The following RSRC1 variants were observed in gnomAD, a reference collection of about 807,000 sequenced individuals.
RSRC1 encodes serine/Arginine-related protein 53.
RSRC1 carries 39 observed loss-of-function variants against 49.1 expected under a neutral mutation model. The ratio of observed to expected loss-of-function variants is 0.79; its 90% confidence interval spans 0.61 to 1.04. RSRC1 has a LOEUF of 1.04. Among genes scored for constraint, RSRC1 ranks in the 50% least tolerant of loss-of-function variants. The pLI, the probability that RSRC1 is intolerant of heterozygous loss-of-function variation, is 0.00. For missense variants in RSRC1, 388 were observed against 402.4 expected (o/e 0.96, Z 0.31); for synonymous variants, 143 against 130.8 (o/e 1.09, Z -0.63).
intron 3 of RSRC1, among the ~76,000 whole-genome samples, chr3:158,201,960 T>A (rs1721072734): frequency 6.6e-6 from 1 of 152,186 alleles, no homozygotes; most frequent in African/African-American, 2.4e-5. Context: ...AATGTACCTT[T>A]GTTTATTTTT....
At chr3:158,137,415 T>C (rs868161615) in intron 3 of RSRC1, among the ~76,000 whole-genome samples, 8 of 151,336 alleles carry the variant, frequency 5.3e-5, no homozygotes, top group South Asian at 2.1e-4. Context: ...TATATATATA[T>C]ATATAATAAC....
At chr3:158,411,434 T>C (rs1341816866) in intron 6 of RSRC1, among the ~76,000 whole-genome samples, 1 of 152,138 alleles carries the variant, frequency 6.6e-6, no homozygotes, top group Non-Finnish European at 1.5e-5. Flanking sequence ...AGAATTCCCA[T>C]TGCTCTGCCT....
At chr3:158,310,320 A>G (rs1016340259) in intron 5 of RSRC1, among the ~76,000 whole-genome samples, 17 of 151,788 alleles carry the variant, frequency 1.1e-4, no homozygotes, top group African/African-American at 3.9e-4. Context: ...GTCAATTGTA[A>G]ATGGATTGCT....
At chr3:158,293,393 C>A (rs1727054721) in intron 4 of RSRC1, among the ~76,000 whole-genome samples, 1 of 151,948 alleles carries the variant, frequency 6.6e-6, no homozygotes, top group African/African-American at 2.4e-5. Flanking sequence ...TCTTTTGGTC[C>A]ATATTTGCCT....
Position 158,179,439 on chromosome 3 carries a change from A to G in RSRC1, c.321-23633A>G, listed in dbSNP as rs1055178101. On this transcript the variant is annotated intron_variant, in intron 3 of 9. Coordinates refer to ENST00000611884, the MANE Select transcript of RSRC1 (RefSeq NM_001271838.2). The stretch of plus-strand genomic sequence containing the variant: ...GAAAGAAAAGATTAGGCAACCAGTA[A>G]TCTGTTCTTTTTCATAATTTTTGTC... 5.3e-5 allele frequency among the ~76,000 whole-genome samples: 8 copies of G among 152,298 alleles called. No individual in the cohort carries two copies. The East Asian group carries it at 1.4e-3, about 26-fold the overall frequency.
intron 3 of RSRC1, among the ~76,000 whole-genome samples, chr3:158,148,087 C>T (rs571292706): frequency 5.8e-4 from 88 of 152,240 alleles, no homozygotes; most frequent in African/African-American, 1.2e-3. Context: ...TACTATTAAA[C>T]GTGGTACAGG....
At chr3:158,282,947 A>G (rs1726265948) in intron 4 of RSRC1, among the ~76,000 whole-genome samples, 1 of 152,178 alleles carries the variant, frequency 6.6e-6, no homozygotes, top group Non-Finnish European at 1.5e-5. Context: ...AGCCAAAACT[A>G]ACATAGACAA....
intron 6 of RSRC1, among the ~76,000 whole-genome samples, chr3:158,442,388 G>A (rs907282882): frequency 6.6e-6 from 1 of 151,994 alleles, no homozygotes; most frequent in African/African-American, 2.4e-5. Context: ...ATCATTTGTT[G>A]TCATTTTTAA....
chr3:158,225,727 C>T, intron 4 of RSRC1: 3 of 450,884 alleles, frequency 6.7e-6, no homozygotes, highest in African/African-American at 2.0e-5. Context: ...TTTAGGAAGA[C>T]CAAATTGTGA....
At chr3:158,477,795 GATTTATATATAT>G (rs1327178016) in intron 7 of RSRC1, among the ~76,000 whole-genome samples, 7 of 31,168 alleles carry the variant, frequency 2.2e-4, no homozygotes, top group African/African-American at 1.1e-3. Context: ...TTGCGGGAGG[GATTTATATATAT>G]ATATATATAT....
intron 3 of RSRC1, among the ~76,000 whole-genome samples, chr3:158,152,779 G>A (rs1020941989): frequency 2.1e-4 from 32 of 152,108 alleles, no homozygotes; most frequent in Non-Finnish European, 4.0e-4. Context: ...GTAGTTTCAC[G>A]TTTAATAATA....
At chr3:158,340,709 A>G (rs1730188557) in intron 5 of RSRC1, among the ~76,000 whole-genome samples, 1 of 152,142 alleles carries the variant, frequency 6.6e-6, no homozygotes, top group South Asian at 2.1e-4. Flanking sequence ...AATACAGTAA[A>G]TTGGTACCAA....
At chr3:158,148,073 T>C (rs1717261161) in intron 3 of RSRC1, among the ~76,000 whole-genome samples, 1 of 152,234 alleles carries the variant, frequency 6.6e-6, no homozygotes, top group Admixed American at 6.5e-5. Context: ...CTTTGAGATA[T>C]TGTTACTATT....
chr3:158,197,591 C>T (rs1720716546), intron 3 of RSRC1, among the ~76,000 whole-genome samples: 1 of 151,996 alleles, frequency 6.6e-6, no homozygotes, highest in Non-Finnish European at 1.5e-5. Flanking sequence ...GTTAGGATGT[C>T]AATTTTAGAT....
intron 3 of RSRC1, among the ~76,000 whole-genome samples, chr3:158,154,527 T>TGATC (rs960652812): frequency 1.3e-5 from 2 of 151,052 alleles, no homozygotes; most frequent in African/African-American, 4.9e-5. Flanking sequence ...TGCAGTGGTG[T>TGATC]GATCTCGGCT....
At chr3:158,541,144 C>T (rs929465635) in intron 8 of RSRC1, among the ~76,000 whole-genome samples, 2 of 152,146 alleles carry the variant, frequency 1.3e-5, no homozygotes, top group Non-Finnish European at 2.9e-5. Context: ...TCTTCAAAGA[C>T]ACCAAGCCCT....
chr3:158,306,582 A>G (rs1727852848), intron 5 of RSRC1, among the ~76,000 whole-genome samples: 1 of 151,984 alleles, frequency 6.6e-6, no homozygotes, highest in South Asian at 2.1e-4. Flanking sequence ...ATTATAATCA[A>G]TACAGGAAAG....
intron 6 of RSRC1, among the ~76,000 whole-genome samples, chr3:158,419,780 G>T (rs1734938255): frequency 6.8e-6 from 1 of 147,510 alleles, no homozygotes; most frequent in Admixed American, 6.8e-5. Context: ...TAAAAACTCA[G>T]AGATATACAG....
rs372275494 is a variant in RSRC1, at chr3:158,372,646, A to G, written c.583+17738A>G. On this transcript the variant is annotated intron_variant, in intron 6 of 9. Coordinates refer to ENST00000611884, the MANE Select transcript of RSRC1 (RefSeq NM_001271838.2). ...TTCTAATTCTTTTCCATTTCGATATACATTTCAGAACCAGCTTATTGATTA... is the reference window on the plus strand; with the variant it reads ...TTCTAATTCTTTTCCATTTCGATATGCATTTCAGAACCAGCTTATTGATTA... 4.9e-4 allele frequency among the ~76,000 whole-genome samples: 74 copies of G among 152,006 alleles called. 2 individuals are homozygous for G. In the South Asian group the frequency reaches 0.015, roughly 30 times the overall value.
Sources: allele counts gnomAD v4.1 joint callset (sites outside exome capture counted in the v4.1 genomes callset), GRCh38; gene constraint gnomAD v4.1.1; transcripts MANE v1.5; gene names NCBI Gene and HGNC (gene_info 2026-07-23, HGNC 2026-07-21).